The following SMIM7 variants were observed in gnomAD, a reference collection of about 807,000 sequenced individuals.
SMIM7 encodes UPF0608 protein C19orf42.
Under a neutral mutation model 13.3 loss-of-function variants are expected in SMIM7, and 12 were observed. The ratio of observed to expected loss-of-function variants is 0.90; its 90% CI spans 0.58 to 1.46. SMIM7 has a LOEUF of 1.46. Ranked by LOEUF, SMIM7 falls within the 40% of genes most tolerant of loss-of-function variation. The pLI, the probability that SMIM7 is intolerant of heterozygous loss-of-function variation, is 0.00. For synonymous variants in SMIM7, 36 were observed against 35.8 expected (o/e 1.01, Z -0.02); for missense variants, 114 against 94.8 (o/e 1.20, Z -0.84).
chr19:16,658,646 G>C (rs528032592), intron 3 of SMIM7, among the ~76,000 whole-genome samples: 1 of 152,088 alleles, frequency 6.6e-6, no homozygotes, highest in Non-Finnish European at 1.5e-5. Context: ...AAAATCTCCT[G>C]ATTAAAAATC....
At chr19:16,647,720 T>C (rs542484985) in intron 4 of SMIM7, among the ~76,000 whole-genome samples, 1 of 152,056 alleles carries the variant, frequency 6.6e-6, no homozygotes, top group East Asian at 1.9e-4. Flanking sequence ...CCTCCCAAAG[T>C]GCTGGGATTA....
chr19:16,636,797 TA>T (rs1343552232), intron 4 of SMIM7, among the ~76,000 whole-genome samples: 1 of 150,254 alleles, frequency 6.7e-6, no homozygotes, highest in Admixed American at 6.6e-5. Context: ...ACAAAAAAAA[TA>T]AAAAAATAGC....
downstream of SMIM7, among the ~76,000 whole-genome samples, chr19:16,642,247 G>GT: frequency 6.6e-6 from 1 of 152,286 alleles, no homozygotes; most frequent in South Asian, 2.1e-4. Flanking sequence ...TTACAATGGC[G>GT]TATTTGCAGT....
chr19:16,653,515 A>G (rs1327191699), intron 4 of SMIM7, among the ~76,000 whole-genome samples: 1 of 146,962 alleles, frequency 6.8e-6, no homozygotes, highest in African/African-American at 2.5e-5. Flanking sequence ...GCAGGGAGGC[A>G]GAGGTTGCAG....
At chr19:16,639,630 A>T (rs182894097) in intron 4 of SMIM7, among the ~76,000 whole-genome samples, 11 of 152,214 alleles carry the variant, frequency 7.2e-5, no homozygotes, top group Admixed American at 3.9e-4. Context: ...CCCCACCCAA[A>T]TCTCATCTTG....
intron 4 of SMIM7, among the ~76,000 whole-genome samples, chr19:16,653,218 C>T (rs1018692292): frequency 7.9e-5 from 12 of 152,146 alleles, no homozygotes; most frequent in Admixed American, 1.3e-4. Flanking sequence ...AGTTCCAGCC[C>T]GGTTTGGTGG....
At chr19:16,635,978 A>G (rs1244892418) in intron 4 of SMIM7, among the ~76,000 whole-genome samples, 1 of 151,000 alleles carries the variant, frequency 6.6e-6, no homozygotes, top group Non-Finnish European at 1.5e-5. Flanking sequence ...CTACTCCCCT[A>G]AATGTCCCCA....
intron 4 of SMIM7, among the ~76,000 whole-genome samples, chr19:16,639,172 A>G (rs983333252): frequency 3.6e-5 from 5 of 140,030 alleles, no homozygotes; most frequent in Admixed American, 7.7e-5. Flanking sequence ...CCCAGGCTGG[A>G]GTGCAGTGGC....
At chr19:16,652,654 G>C (rs1254032837) in intron 4 of SMIM7, 6 of 1,375,846 alleles carry the variant, frequency 4.4e-6, no homozygotes. Context: ...TGATGAGGGT[G>C]AAATGCCATC....
At chr19:16,641,805 G>A (rs2086406113), downstream of SMIM7, among the ~76,000 whole-genome samples, 1 of 152,136 alleles carries the variant, frequency 6.6e-6, no homozygotes, top group Admixed American at 6.6e-5. Flanking sequence ...TGCCACAGCG[G>A]TCAGGCTAAT....
At chr19:16,643,203 T>C (rs2122504495), downstream of SMIM7, among the ~76,000 whole-genome samples, 1 of 152,212 alleles carries the variant, frequency 6.6e-6, no homozygotes, top group East Asian at 1.9e-4. Context: ...GAGAAAACCA[T>C]GCTGGAAGAT....
intron 3 of SMIM7, among the ~76,000 whole-genome samples, 200 bp from the exon 4 acceptor site, chr19:16,654,325 AC>A (rs1430752086): frequency 6.6e-6 from 1 of 152,152 alleles, no homozygotes; most frequent in African/African-American, 2.4e-5. Flanking sequence ...CCCTGAAAGC[AC>A]CAAGCCCCTC....
At position 16,660,120 on chromosome 19, in the gene SMIM7, C is replaced by G. The variant is rs771529405; in HGVS notation, c.-10G>C. 2 of 1,614,130 alleles carry G rather than the reference C, an allele frequency of 1.2e-6. No individual in the cohort carries two copies. The highest frequency in any genetic ancestry group is 2.2e-5 in the East Asian group (1 of 44,886). On this transcript the variant is annotated 5_prime_UTR_variant, in exon 1 of 5. Transcript: ENST00000487416. The stretch of plus-strand genomic sequence containing the variant: ...GGATGTCTCCGATCATCGTTACGGC[C>G]GAAGCGTCCGTCAGAACCGGAAGCG...
chr19:16,637,841 G>A (rs1176557761), intron 4 of SMIM7, among the ~76,000 whole-genome samples: 2 of 152,212 alleles, frequency 1.3e-5, no homozygotes, highest in African/African-American at 4.8e-5. Context: ...ACTGAATTGT[G>A]TCACCTACCC....
At chr19:16,650,360 C>T (rs2086508557) in intron 4 of SMIM7, among the ~76,000 whole-genome samples, 1 of 152,186 alleles carries the variant, frequency 6.6e-6, no homozygotes, top group Non-Finnish European at 1.5e-5. Flanking sequence ...CGTTTCTCCC[C>T]TATTTCAGAC....
At chr19:16,632,535 A>ATTTT (rs397933494) in intron 4 of SMIM7, among the ~76,000 whole-genome samples, 1 of 126,970 alleles carries the variant, frequency 7.9e-6, no homozygotes, top group African/African-American at 3.0e-5. Context: ...AACTGTGAAC[A>ATTTT]TTTTTTTTTT....
intron 3 of SMIM7, chr19:16,655,247 C>T: frequency 2.2e-6 from 1 of 449,450 alleles, no homozygotes; most frequent in Non-Finnish European, 4.5e-6. Flanking sequence ...CTCTGGTCCC[C>T]TTGAATGCCA....
At chr19:16,648,463 G>A (rs1204873869) in intron 4 of SMIM7, among the ~76,000 whole-genome samples, 1 of 152,022 alleles carries the variant, frequency 6.6e-6, no homozygotes, top group East Asian at 1.9e-4. Flanking sequence ...AAACTTTTGT[G>A]CTTAAAATGA....
downstream of SMIM7, among the ~76,000 whole-genome samples, chr19:16,643,012 C>T (rs1246101925): frequency 1.3e-5 from 2 of 151,786 alleles, no homozygotes; most frequent in African/African-American, 2.4e-5. Context: ...TTAGTAGAGA[C>T]GGGGTTTCAT....
Sources: allele counts gnomAD v4.1 joint callset (sites outside exome capture counted in the v4.1 genomes callset), GRCh38; gene constraint gnomAD v4.1.1; transcripts MANE v1.5; gene names NCBI Gene and HGNC (gene_info 2026-07-23, HGNC 2026-07-21).